CABP1: variants seen among roughly 807,000 people sequenced by gnomAD.
The protein encoded by CABP1 is calcium-binding protein 1.
A neutral mutation model predicts 34.3 loss-of-function variants in CABP1; 17 were observed. That is an observed-to-expected ratio of 0.50 (90% CI 0.34 to 0.74). CABP1 has a LOEUF of 0.74. Ranked by LOEUF, CABP1 falls within the 30% of genes least tolerant of loss-of-function variation. CABP1 has a pLI of 0.01. For missense variants in CABP1, 373 were observed against 511.1 expected (o/e 0.73, Z 2.61); for synonymous variants, 198 against 229.2 (o/e 0.86, Z 1.23).
intron 1 of CABP1, 178 bp from the exon 2 acceptor site, chr12:120,659,700 G>A: frequency 1.7e-6 from 1 of 586,754 alleles, no homozygotes; most frequent in Non-Finnish European, 3.0e-6. Context: ...GAGCTTCTAT[G>A]TCTAAGGGAG....
Position 120,641,527 on chromosome 12 carries a change from G to A in CABP1, c.654+188G>A. 1.8e-6 allele frequency: 1 copy of A among 544,332 alleles called. No individual in the cohort carries two copies. The highest frequency in any genetic ancestry group is 2.8e-6 in the Non-Finnish European group (1 of 361,808). 33.7% of individuals were successfully genotyped at this position (544,332 alleles called of 1,614,324 possible). Reference sequence around the variant, plus strand: ...CTCCCCGTGCCTGATTCAGCACCCCGTGCGCTGTCCACGCTCCGGGCCTCT... The same window carrying A: ...CTCCCCGTGCCTGATTCAGCACCCCATGCGCTGTCCACGCTCCGGGCCTCT... On this transcript the variant is annotated intron_variant, in intron 1 of 5. Coordinates refer to ENST00000316803, the MANE Select transcript of CABP1 (RefSeq NM_001033677.2). This position sits in a 1 kb window ranked among gnomAD's most constrained non-coding sequence, Gnocchi z 6.7.
downstream of CABP1, among the ~76,000 whole-genome samples, chr12:120,670,901 G>T (rs1252516626): frequency 6.6e-6 from 1 of 152,168 alleles, no homozygotes; most frequent in Non-Finnish European, 1.5e-5. Flanking sequence ...CCCCATGCAA[G>T]ACTTCCTGTC....
At position 120,660,170 on chromosome 12, in the gene CABP1, A is replaced by G. The variant is rs1331132224; in HGVS notation, c.686-26A>G. 1 of 1,613,480 alleles carries G rather than the reference A, an allele frequency of 6.2e-7. No individual in the cohort carries two copies. The highest frequency in any genetic ancestry group is 8.5e-7 in the Non-Finnish European group (1 of 1,179,596). ...GGCTCTGCGGGTCCTACCCCTGACC[A>G]CATCCACCTTTGCTCACTTCCCCAG... On this transcript the variant is annotated intron_variant, in intron 2 of 5. Transcript: ENST00000316803. This position sits in a 1 kb window ranked among gnomAD's most constrained non-coding sequence, Gnocchi z 5.0.
intron 1 of CABP1, chr12:120,655,847 G>A (rs1057078494): frequency 2.0e-6 from 3 of 1,500,884 alleles, no homozygotes; most frequent in African/African-American, 2.8e-5. Flanking sequence ...GTGTGTGTGT[G>A]TGTGCGCATG....
Position 120,640,791 on chromosome 12 carries a change from G to A in CABP1, c.106G>A (p.Gly36Arg). The change falls in exon 1 of 6, where the codon GGG (glycine) becomes AGG (arginine). Residue 36 changes from glycine to arginine, a missense_variant. By Grantham distance (125) the Gly-to-Arg change is moderately radical. Transcript: ENST00000316803. The surrounding 1 kb of genome is among the most constrained non-coding windows in gnomAD (Gnocchi z 6.2). ...SRREPRSLPA[G>R]GPAPRRTAPP... is the part of the protein sequence containing the mutation. The stretch of plus-strand genomic sequence containing the variant: ...CCGGGAGCCCCGTTCTCTGCCCGCC[G>A]GGGGCCCCGCGCCGCGCCGCACCGC... The A allele has an allele frequency of 8.9e-7, 1 of 1,118,290 alleles. No individual in the cohort carries two copies. The highest frequency in any genetic ancestry group is 1.1e-6 in the Non-Finnish European group (1 of 916,398). The allele number at this position is 1,118,290 out of a possible 1,614,324, so 69.3% of individuals were successfully genotyped here.
intron 1 of CABP1, among the ~76,000 whole-genome samples, chr12:120,654,744 C>T (rs372485973): frequency 2.6e-5 from 4 of 151,762 alleles, no homozygotes; most frequent in Admixed American, 1.3e-4. Context: ...CTGGGCATCC[C>T]GGGAGGCTGG....
In CABP1 at chr12:120,640,795, GC is replaced by G. The variant is rs1176543571; in HGVS notation, c.114del (p.Ala39ArgfsTer20). The G allele has an allele frequency of 9.0e-7, 1 of 1,110,844 alleles. No homozygotes were observed. The highest frequency in any genetic ancestry group is 1.1e-6 in the Non-Finnish European group (1 of 912,144). The allele number at this position is 1,110,844 out of a possible 1,614,324, so 68.8% of individuals were successfully genotyped here. ...RREPRSLPAG[G>X]PAPRRTAPPP... ...GAGCCCCGTTCTCTGCCCGCCGGGG[GC>G]CCCGCGCCGCGCCGCACCGCGCCGC... On this transcript the variant is annotated frameshift_variant, in exon 1 of 6. Transcript: ENST00000316803. LOFTEE classifies it high-confidence loss of function. This position sits in a 1 kb window ranked among gnomAD's most constrained non-coding sequence, Gnocchi z 6.2.
At position 120,646,181 on chromosome 12, in the gene CABP1, C is replaced by T. The variant is rs571537423; in HGVS notation, c.654+4842C>T. ...AGGTCACATAAGTGTGTTCCCTGTT[C>T]GTCAGAAGCATCTGCAAAGCACCTC... On this transcript the variant is annotated intron_variant, in intron 1 of 5. Transcript: ENST00000316803. Among the ~76,000 whole-genome samples, 259 of 152,288 alleles carry T rather than the reference C, an allele frequency of 1.7e-3. 2 individuals carry two copies. The highest frequency in any genetic ancestry group is 5.7e-3 in the African/African-American group (237 of 41,564).
chr12:120,646,033 A>T (rs943079407), intron 1 of CABP1, among the ~76,000 whole-genome samples: 2 of 152,244 alleles, frequency 1.3e-5, no homozygotes, highest in Non-Finnish European at 2.9e-5. Context: ...CCACAGTGAC[A>T]GAGTGAGACC....
the CABP1 span, among the ~76,000 whole-genome samples, chr12:120,673,367 G>A: frequency 2.6e-4 from 39 of 152,140 alleles, no homozygotes; most frequent in East Asian, 6.8e-3. Flanking sequence ...GGAAGATCAC[G>A]AGGTCAGGAG....
intron 1 of CABP1, among the ~76,000 whole-genome samples, chr12:120,643,271 T>C (rs1879419553): frequency 6.6e-6 from 1 of 152,222 alleles, no homozygotes; most frequent in Non-Finnish European, 1.5e-5. Flanking sequence ...ACATTCAGTT[T>C]GGGCTTCCAT....
intron 1 of CABP1, among the ~76,000 whole-genome samples, chr12:120,645,428 A>C (rs1169575519): frequency 3.3e-5 from 5 of 152,204 alleles, no homozygotes; most frequent in Admixed American, 3.3e-4. Flanking sequence ...TTGAGGCCTC[A>C]GTCTAGAGCC....
chr12:120,660,901 A>T lies in CABP1; in HGVS notation c.939+61A>T. On this transcript the variant is annotated intron_variant, in intron 4 of 5. Coordinates refer to ENST00000316803, the MANE Select transcript of CABP1 (RefSeq NM_001033677.2). The surrounding 1 kb of genome is among the most constrained non-coding windows in gnomAD (Gnocchi z 5.0). ...TTGGAATCCTATCTGCAGTATAAAT[A>T]CTTCAAAAGAAGCCTGAGCCTCAAG... The T allele has an allele frequency of 7.0e-7, 1 of 1,419,970 alleles. No homozygotes were observed. The highest frequency in any genetic ancestry group is 9.9e-7 in the Non-Finnish European group (1 of 1,006,268). 88.0% of individuals were successfully genotyped at this position (1,419,970 alleles called of 1,614,324 possible).
At chr12:120,663,333 G>A (rs1242508475) in intron 5 of CABP1, among the ~76,000 whole-genome samples, 20 of 152,022 alleles carry the variant, frequency 1.3e-4, no homozygotes, top group Non-Finnish European at 1.5e-5. Context: ...GGAGTGCAGT[G>A]GCGTAATCTC....
intron 1 of CABP1, among the ~76,000 whole-genome samples, chr12:120,643,152 C>T (rs1192345190): frequency 6.6e-6 from 1 of 152,172 alleles, no homozygotes; most frequent in Non-Finnish European, 1.5e-5. Context: ...TCTGAAATGT[C>T]ACCAGGGTCA....
At chr12:120,656,538 T>G (rs1428381200) in intron 1 of CABP1, among the ~76,000 whole-genome samples, 2 of 152,176 alleles carry the variant, frequency 1.3e-5, no homozygotes, top group African/African-American at 4.8e-5. Flanking sequence ...GCGGATTGCC[T>G]CATTTAAGCC....
Position 120,640,694 on chromosome 12 carries a change from C to A in CABP1, c.9C>A (p.Gly3=). 9.1e-7 allele frequency: 1 copy of A among 1,093,770 alleles called. No homozygotes were observed. Among genetic ancestry groups the A allele is most frequent in the Non-Finnish European group, 1.1e-6 (1 of 901,186 alleles). 67.8% of individuals were successfully genotyped at this position (1,093,770 alleles called of 1,614,324 possible). Residue 3 remains glycine (G), a synonymous_variant, in exon 1 of 6, where the codon GGC becomes GGA. Coordinates refer to ENST00000316803, the MANE Select transcript of CABP1 (RefSeq NM_001033677.2). The surrounding 1 kb of genome is among the most constrained non-coding windows in gnomAD (Gnocchi z 6.2). The part of the protein sequence containing the change: MG[G]GDGAAFKRPG... ...AGAGGCTGCGCTGTCACATGGGCGG[C>A]GGCGACGGGGCCGCATTTAAGCGGC... is the stretch of plus-strand genomic sequence containing the variant.
At chr12:120,675,897 G>A in the CABP1 span, among the ~76,000 whole-genome samples, 6 of 152,094 alleles carry the variant, frequency 3.9e-5, no homozygotes, top group Admixed American at 6.6e-5. Flanking sequence ...CCAAAATGAC[G>A]AAACCCCATC....
intron 1 of CABP1, among the ~76,000 whole-genome samples, chr12:120,651,027 G>C (rs1197611286): frequency 1.3e-5 from 2 of 152,126 alleles, no homozygotes; most frequent in Non-Finnish European, 2.9e-5. Flanking sequence ...GACTGGCCAA[G>C]TCCCTTAAAA....
Sources: allele counts gnomAD v4.1 joint callset (sites outside exome capture counted in the v4.1 genomes callset), GRCh38; gene constraint gnomAD v4.1.1; non-coding constraint Gnocchi (gnomAD v3.1); transcripts MANE v1.5; gene names NCBI Gene and HGNC (gene_info 2026-07-23, HGNC 2026-07-21).